CDH12: variants seen among roughly 807,000 people sequenced by gnomAD.
CDH12 encodes cadherin-12.
CDH12 carries 41 observed loss-of-function variants against 74.1 expected under a neutral mutation model. The observed-to-expected ratio is 0.55, with a 90% CI of 0.43 to 0.72. The LOEUF is 0.72. Among genes scored for constraint, CDH12 ranks in the 30% least tolerant of loss-of-function variants. The pLI is 0.00. For missense variants in CDH12, 945 were observed against 977.2 expected (o/e 0.97, Z 0.44); for synonymous variants, 399 against 355.0 (o/e 1.12, Z -1.39).
In CDH12 at chr5:22,569,445, C is replaced by T. The variant is rs112412451; in HGVS notation, c.-522-64081G>A. Among the ~76,000 whole-genome samples the T allele has an allele frequency of 8.5e-3, 1,301 of 152,284 alleles. 10 individuals are homozygous for T. The highest frequency in any genetic ancestry group is 0.014 in the Non-Finnish European group (958 of 68,020). ...TGAGCAGATGCTGATGCCATGCTTC[C>T]TGTACAGCCTGCAGAACCATGAGCC... On this transcript the variant is annotated intron_variant, in intron 1 of 14. Coordinates refer to ENST00000382254, the MANE Select transcript of CDH12 (RefSeq NM_004061.5).
chr5:22,370,375 T>C (rs1741229511), intron 3 of CDH12, among the ~76,000 whole-genome samples: 2 of 152,150 alleles, frequency 1.3e-5, no homozygotes, highest in Non-Finnish European at 2.9e-5. Context: ...AGAAGAAAGG[T>C]GCTCAATGGA....
chr5:22,742,769 TAAA>T (rs1745091690), intron 1 of CDH12, among the ~76,000 whole-genome samples: 1 of 150,638 alleles, frequency 6.6e-6, no homozygotes, highest in Non-Finnish European at 1.5e-5. Flanking sequence ...CAAATAGATA[TAAA>T]CACATATATA....
chr5:22,270,650 T>A lies in CDH12; in HGVS notation c.-332-58007A>T, dbSNP rs567490502. 2.1e-4 allele frequency among the ~76,000 whole-genome samples: 32 copies of A among 151,662 alleles called. 1 individual carries two copies. In the South Asian group the frequency reaches 5.2e-3, roughly 25 times the overall value. ...ACACACACACACACATCTATATATA[T>A]AATTTTATTTCAATTTTATTTATTT... is the stretch of plus-strand genomic sequence containing the variant. On this transcript the variant is annotated intron_variant, in intron 3 of 14. Transcript: ENST00000382254.
chr5:22,420,450 T>G (rs1254093954), intron 2 of CDH12, among the ~76,000 whole-genome samples: 2 of 152,152 alleles, frequency 1.3e-5, no homozygotes, highest in Non-Finnish European at 2.9e-5. Context: ...CATTGTTTGT[T>G]TTTGTCAGAT....
intron 6 of CDH12, among the ~76,000 whole-genome samples, chr5:21,959,924 CAAA>C (rs1201352707): frequency 6.0e-5 from 3 of 49,784 alleles, no homozygotes; most frequent in South Asian, 8.9e-4. Flanking sequence ...GGCTCCATCT[CAAA>C]AAAAAAAAAA....
chr5:22,339,875 T>C (rs986931616), intron 3 of CDH12, among the ~76,000 whole-genome samples: 2 of 152,164 alleles, frequency 1.3e-5, no homozygotes, highest in Non-Finnish European at 2.9e-5. Flanking sequence ...CATAGAAAAT[T>C]GTTTTCTTAA....
At chr5:21,914,181 C>T (rs556210769) in intron 6 of CDH12, among the ~76,000 whole-genome samples, 10 of 152,264 alleles carry the variant, frequency 6.6e-5, no homozygotes, top group Admixed American at 3.9e-4. Context: ...GGGCTTTTGA[C>T]GTGAAAAACC....
chr5:21,948,661 T>G (rs1473174441), intron 6 of CDH12, among the ~76,000 whole-genome samples: 1 of 151,988 alleles, frequency 6.6e-6, no homozygotes, highest in Non-Finnish European at 1.5e-5. Flanking sequence ...TAGGAAGGCA[T>G]GATGTTGGGT....
chr5:22,365,716 G>C (rs550411911), intron 3 of CDH12, among the ~76,000 whole-genome samples: 2 of 152,260 alleles, frequency 1.3e-5, no homozygotes, highest in East Asian at 3.9e-4. Flanking sequence ...ACTCTTTGTA[G>C]CTATTGTTTT....
chr5:21,876,739 A>G (rs1751958804), intron 6 of CDH12, among the ~76,000 whole-genome samples: 1 of 152,132 alleles, frequency 6.6e-6, no homozygotes, highest in Admixed American at 6.5e-5. Context: ...AATTTTGTCC[A>G]CAGCACTATC....
intron 2 of CDH12, among the ~76,000 whole-genome samples, chr5:22,413,776 C>CT (rs1049469371): frequency 6.6e-6 from 1 of 151,880 alleles, no homozygotes; most frequent in Non-Finnish European, 1.5e-5. Context: ...ATTTTATTTA[C>CT]TTTTTTTCCC....
At chr5:22,649,397 T>C (rs1739611349) in intron 1 of CDH12, among the ~76,000 whole-genome samples, 1 of 152,030 alleles carries the variant, frequency 6.6e-6, no homozygotes, top group South Asian at 2.1e-4. Flanking sequence ...TATTTCTTTC[T>C]ATGCATTGTG....
At chr5:22,744,265 TAAAAATACAA>T (rs1332852905) in intron 1 of CDH12, among the ~76,000 whole-genome samples, 2 of 152,092 alleles carry the variant, frequency 1.3e-5, no homozygotes, top group African/African-American at 4.8e-5. Flanking sequence ...CCGTCTCTAC[TAAAAATACAA>T]AAAATTAGCC....
At chr5:22,627,445 T>TAA (rs34379996) in intron 1 of CDH12, among the ~76,000 whole-genome samples, 279 of 144,968 alleles carry the variant, frequency 1.9e-3, no homozygotes, top group Middle Eastern at 0.014. Context: ...TCACTATTAT[T>TAA]AAAAAAAAAA....
At chr5:21,996,646 T>C (rs4632763) in intron 5 of CDH12, among the ~76,000 whole-genome samples, 2,771 of 152,298 alleles carry the variant, frequency 0.018, 45 homozygotes, top group African/African-American at 0.041. Flanking sequence ...TGGCTCATTA[T>C]AGGGGCCTTT....
intron 3 of CDH12, among the ~76,000 whole-genome samples, chr5:22,373,179 G>C (rs1741370806): frequency 6.6e-6 from 1 of 152,114 alleles, no homozygotes; most frequent in Non-Finnish European, 1.5e-5. Context: ...ATATCCTCCA[G>C]CCCAGTCCAC....
intron 3 of CDH12, among the ~76,000 whole-genome samples, chr5:22,265,213 G>A (rs1753663312): frequency 6.6e-6 from 1 of 152,240 alleles, no homozygotes; most frequent in African/African-American, 2.4e-5. Flanking sequence ...TCAGCAGGAG[G>A]TTAGAATGCT....
rs372915297 is a variant in CDH12, at chr5:22,044,803, A to C, written c.231+33643T>G. The stretch of plus-strand genomic sequence containing the variant: ...ACTTCTATCTCTCACCATATACAGA[A>C]ACTAATAAAAATCAATGTAAGGTTT... On this transcript the variant is annotated intron_variant, in intron 5 of 14. Coordinates refer to ENST00000382254, the MANE Select transcript of CDH12 (RefSeq NM_004061.5). Among the ~76,000 whole-genome samples the C allele has an allele frequency of 4.6e-5, 7 of 152,314 alleles. No individual in the cohort carries two copies. In the East Asian group the frequency reaches 1.4e-3, roughly 29 times the overall value.
In CDH12 at chr5:22,684,775, A is replaced by T. The variant is rs1239758658; in HGVS notation, c.-523+168283T>A. 3.3e-5 allele frequency among the ~76,000 whole-genome samples: 5 copies of T among 152,274 alleles called. No homozygotes were observed. The East Asian group carries it at 7.7e-4, about 23-fold the overall frequency. On this transcript the variant is annotated intron_variant, in intron 1 of 14. Coordinates refer to ENST00000382254, the MANE Select transcript of CDH12 (RefSeq NM_004061.5). The stretch of plus-strand genomic sequence containing the variant: ...AACAGCTCTTCCCCACACATCTCTC[A>T]CACACACACTTGTGCATATACACAC...
Sources: allele counts gnomAD v4.1 joint callset (sites outside exome capture counted in the v4.1 genomes callset), GRCh38; gene constraint gnomAD v4.1.1; transcripts MANE v1.5; gene names NCBI Gene and HGNC (gene_info 2026-07-23, HGNC 2026-07-21).